Variants in DNM3 observed in about 807,000 individuals in gnomAD.
DNM3 encodes the protein dynamin-3.
A neutral mutation model predicts 101.6 loss-of-function variants in DNM3; 47 were observed. The observed-to-expected ratio is 0.46, with a 90% confidence interval of 0.37 to 0.59. The LOEUF (loss-of-function observed/expected upper bound fraction) is 0.59, where lower values mean the gene tolerates loss of function less well. Among genes scored for constraint, DNM3 ranks in the 20% least tolerant of loss-of-function variants. DNM3 has a pLI of 0.00. For missense variants in DNM3, 849 were observed against 1,085.7 expected (o/e 0.78, Z 3.06); for synonymous variants, 385 against 387.9 (o/e 0.99, Z 0.09).
chr1:172,035,652 T>C (rs532242137), intron 6 of DNM3, among the ~76,000 whole-genome samples: 1 of 152,242 alleles, frequency 6.6e-6, no homozygotes, highest in South Asian at 2.1e-4. Flanking sequence ...AATCAGGTAT[T>C]TTTATTATTT....
intron 20 of DNM3, among the ~76,000 whole-genome samples, chr1:172,406,421 ATT>A (rs2149126653): frequency 6.6e-6 from 1 of 152,136 alleles, no homozygotes; most frequent in African/African-American, 2.4e-5. Context: ...ATATATGGCC[ATT>A]TTAAATGAAA....
intron 2 of DNM3, among the ~76,000 whole-genome samples, chr1:171,972,603 A>G (rs950335471): frequency 6.6e-6 from 1 of 152,208 alleles, no homozygotes; most frequent in Non-Finnish European, 1.5e-5. Flanking sequence ...TAATCCCAGC[A>G]CTTTGAGAGG....
intron 17 of DNM3, among the ~76,000 whole-genome samples, chr1:172,346,367 T>A (rs982370501): frequency 1.3e-5 from 2 of 152,176 alleles, no homozygotes; most frequent in African/African-American, 4.8e-5. Flanking sequence ...CAGTGAAGAC[T>A]GAGGGGCCAG....
intron 4 of DNM3, among the ~76,000 whole-genome samples, chr1:172,025,579 C>T (rs920897342): frequency 6.6e-6 from 1 of 152,168 alleles, no homozygotes; most frequent in East Asian, 1.9e-4. Flanking sequence ...GTGGGTGCCC[C>T]TCTGGGACGA....
chr1:172,156,040 T>C (rs1457418722), intron 14 of DNM3, among the ~76,000 whole-genome samples: 1 of 152,052 alleles, frequency 6.6e-6, no homozygotes, highest in African/African-American at 2.4e-5. Flanking sequence ...TTTTCATCCA[T>C]AGAACGAGGA....
At chr1:172,330,557 A>G (rs2066138123) in intron 17 of DNM3, among the ~76,000 whole-genome samples, 1 of 152,132 alleles carries the variant, frequency 6.6e-6, no homozygotes, top group African/African-American at 2.4e-5. Flanking sequence ...TTTTAAAAAT[A>G]AAGAAATTCT....
chr1:172,218,274 A>G (rs759833068), intron 14 of DNM3, among the ~76,000 whole-genome samples: 1 of 152,140 alleles, frequency 6.6e-6, no homozygotes, highest in Non-Finnish European at 1.5e-5. Context: ...CCCAATGAGA[A>G]TTAAATAGTG....
intron 1 of DNM3, among the ~76,000 whole-genome samples, chr1:171,862,810 A>G (rs1197729459): frequency 2.0e-5 from 3 of 152,160 alleles, no homozygotes; most frequent in Non-Finnish European, 4.4e-5. Context: ...GAAGGAAAAG[A>G]GAAGCAGCAA....
intron 2 of DNM3, among the ~76,000 whole-genome samples, chr1:171,933,216 T>A (rs1168362799): frequency 6.6e-6 from 1 of 152,196 alleles, no homozygotes. Flanking sequence ...TAGAGAAATC[T>A]CATGTGACCG....
At chr1:172,124,651 TA>T (rs145493146) in intron 13 of DNM3, among the ~76,000 whole-genome samples, 3 of 152,086 alleles carry the variant, frequency 2.0e-5, no homozygotes, top group Non-Finnish European at 4.4e-5. Flanking sequence ...AGTCTGTAAA[TA>T]AGCCACACCA....
At chr1:172,196,259 A>T (rs2059944254) in intron 14 of DNM3, among the ~76,000 whole-genome samples, 1 of 151,992 alleles carries the variant, frequency 6.6e-6, no homozygotes, top group Non-Finnish European at 1.5e-5. Flanking sequence ...GCTGCATAGT[A>T]TTCCGTGGTG....
At chr1:172,300,331 G>A (rs908490659) in intron 15 of DNM3, among the ~76,000 whole-genome samples, 4 of 152,048 alleles carry the variant, frequency 2.6e-5, no homozygotes, top group African/African-American at 9.7e-5. Context: ...CTCCCGTTCT[G>A]TAGGTTGTCT....
chr1:171,909,002 A>G (rs888986043), intron 1 of DNM3, among the ~76,000 whole-genome samples: 7 of 151,856 alleles, frequency 4.6e-5, no homozygotes, highest in African/African-American at 1.7e-4. Flanking sequence ...CCTTTTAACT[A>G]ATATTTTTGA....
chr1:172,338,111 T>A (rs897066493), intron 17 of DNM3, among the ~76,000 whole-genome samples: 1 of 151,744 alleles, frequency 6.6e-6, no homozygotes, highest in Admixed American at 6.6e-5. Context: ...GAGACGGGGT[T>A]TCATCATGTT....
intron 2 of DNM3, among the ~76,000 whole-genome samples, chr1:171,986,229 C>T (rs1330866113): frequency 6.6e-6 from 1 of 152,096 alleles, no homozygotes; most frequent in Non-Finnish European, 1.5e-5. Context: ...TTGGGTACCA[C>T]AGCTTAAAAT....
rs150131350 is a variant in DNM3, at chr1:171,954,831, A to G, written c.236-32825A>G. On this transcript the variant is annotated intron_variant, in intron 2 of 20. Coordinates refer to ENST00000627582, the MANE Select transcript of DNM3 (RefSeq NM_015569.5). ...CTAGAATTGTGGAAACTGGGGCAAC[A>G]TTGTGTTATGCAATTTTTCCTGAGA... Among the ~76,000 whole-genome samples, 1,009 of 152,314 alleles carry G rather than the reference A, an allele frequency of 6.6e-3. 12 individuals are homozygous for G. The highest frequency in any genetic ancestry group is 0.023 in the African/African-American group (945 of 41,554).
At chr1:172,236,942 C>CT (rs2061566105) in intron 14 of DNM3, among the ~76,000 whole-genome samples, 1 of 152,154 alleles carries the variant, frequency 6.6e-6, no homozygotes, top group Non-Finnish European at 1.5e-5. Context: ...TCCTCTTCCT[C>CT]TATCTCACTC....
chr1:172,330,803 T>C (rs2066150650), intron 17 of DNM3, among the ~76,000 whole-genome samples: 1 of 152,066 alleles, frequency 6.6e-6, no homozygotes. Flanking sequence ...ATAAAAGAAA[T>C]AGATTAAACT....
At chr1:172,234,492 C>T (rs1195364880) in intron 14 of DNM3, among the ~76,000 whole-genome samples, 1 of 152,142 alleles carries the variant, frequency 6.6e-6, no homozygotes, top group Non-Finnish European at 1.5e-5. Context: ...CCATCCCCAT[C>T]AAGCTACCAA....
Sources: allele counts gnomAD v4.1 joint callset (sites outside exome capture counted in the v4.1 genomes callset), GRCh38; gene constraint gnomAD v4.1.1; transcripts MANE v1.5; gene names NCBI Gene and HGNC (gene_info 2026-07-23, HGNC 2026-07-21).